The following NINJ2 variants were observed in gnomAD, a reference collection of about 807,000 sequenced individuals.
The protein encoded by NINJ2 is ninjurin 2, also known as ninjurin-2.
A neutral mutation model predicts 11.7 loss-of-function variants in NINJ2; 12 were observed. The ratio of observed to expected loss-of-function variants is 1.02; its 90% confidence interval spans 0.66 to 1.66. The LOEUF (loss-of-function observed/expected upper bound fraction) is 1.66, where lower values mean the gene tolerates loss of function less well. Among genes scored for constraint, NINJ2 ranks in the 40% most tolerant of loss-of-function variants. NINJ2 has a pLI of 0.00. For missense variants in NINJ2, 187 were observed against 181.8 expected (o/e 1.03, Z -0.16); for synonymous variants, 93 against 76.8 (o/e 1.21, Z -1.10).
chr12:613,858 T>A (rs998418307), intron 1 of NINJ2, among the ~76,000 whole-genome samples: 2 of 152,112 alleles, frequency 1.3e-5, no homozygotes, highest in African/African-American at 4.8e-5. Context: ...TGAGCCGAGA[T>A]CGCGCCACTG....
intron 1 of NINJ2, among the ~76,000 whole-genome samples, chr12:588,194 CGG>C (rs1565625978): frequency 2.3e-5 from 1 of 42,642 alleles, no homozygotes; most frequent in African/African-American, 6.7e-5. Flanking sequence ...ACGGAAGGGA[CGG>C]AGGGGACGGA....
intron 1 of NINJ2, among the ~76,000 whole-genome samples, chr12:570,443 C>A (rs764698757): frequency 2.0e-5 from 3 of 152,192 alleles, no homozygotes; most frequent in Non-Finnish European, 4.4e-5. Flanking sequence ...TCCTTTTCGC[C>A]CACAGCCCAG....
intron 1 of NINJ2, among the ~76,000 whole-genome samples, chr12:657,418 C>T (rs1038064246): frequency 4.1e-4 from 63 of 152,074 alleles, no homozygotes; most frequent in African/African-American, 1.2e-3. Flanking sequence ...TGAAACCCCG[C>T]CTCTATTAAA....
intron 1 of NINJ2, among the ~76,000 whole-genome samples, chr12:613,959 C>A (rs1342992558): frequency 6.6e-6 from 1 of 152,032 alleles, no homozygotes; most frequent in African/African-American, 2.4e-5. Flanking sequence ...TTAAAAATGG[C>A]CTTTCTTCTC....
chr12:592,829 A>G (rs1947734951), intron 1 of NINJ2, among the ~76,000 whole-genome samples: 1 of 152,238 alleles, frequency 6.6e-6, no homozygotes. Flanking sequence ...TAGTGAAAAT[A>G]AGCCAACTGA....
intron 1 of NINJ2, among the ~76,000 whole-genome samples, chr12:603,849 C>T (rs1401588409): frequency 3.3e-5 from 5 of 152,062 alleles, no homozygotes; most frequent in Middle Eastern, 3.4e-3. Flanking sequence ...TTAATAGAGA[C>T]GGGGTTTTGC....
chr12:622,781 CT>C (rs919671868), intron 1 of NINJ2, among the ~76,000 whole-genome samples: 35 of 149,144 alleles, frequency 2.3e-4, no homozygotes, highest in African/African-American at 5.2e-4. Context: ...GATAGCTTTT[CT>C]TTTTTTTTTA....
chr12:570,899 G>A (rs897787759), intron 1 of NINJ2, among the ~76,000 whole-genome samples: 1 of 152,230 alleles, frequency 6.6e-6, no homozygotes, highest in African/African-American at 2.4e-5. Context: ...TATAAAACTG[G>A]AGGAAAATCC....
chr12:617,711 C>G (rs11063883), intron 1 of NINJ2, among the ~76,000 whole-genome samples: 32,100 of 152,156 alleles, frequency 0.21, 3,576 homozygotes, highest in East Asian at 0.31. Context: ...TGCGCTCACT[C>G]CCCAGGACGT....
rs1947614558 is a variant in NINJ2 at position 585,144 on chromosome 12, C to T, written c.34-18966G>A. 6.6e-6 allele frequency among the ~76,000 whole-genome samples: 1 copy of T among 152,180 alleles called. No individual in the cohort carries two copies. The highest frequency in any genetic ancestry group is 2.4e-5 in the African/African-American group (1 of 41,454). On this transcript the variant is annotated intron_variant, in intron 1 of 3. Coordinates refer to ENST00000305108, the MANE Select transcript of NINJ2 (RefSeq NM_016533.6). This position sits in a 1 kb window ranked among gnomAD's most constrained non-coding sequence, Gnocchi z 4.1. ...AATAAACACATAAATAAAAGCAAAT[C>T]CTTCTTTTCGCTAAGGCTGCATTTC...
At chr12:566,749 C>T (rs919135930) in intron 1 of NINJ2, among the ~76,000 whole-genome samples, 1 of 152,240 alleles carries the variant, frequency 6.6e-6, no homozygotes, top group Non-Finnish European at 1.5e-5. Flanking sequence ...GACACAGGCT[C>T]TCAGCATACA....
At chr12:624,140 C>G (rs1948185940) in intron 1 of NINJ2, among the ~76,000 whole-genome samples, 1 of 152,226 alleles carries the variant, frequency 6.6e-6, no homozygotes, top group African/African-American at 2.4e-5. Context: ...TCCTCTTACT[C>G]TACAACCTAC....
At chr12:589,066 G>T (rs894960038) in intron 1 of NINJ2, among the ~76,000 whole-genome samples, 1 of 152,128 alleles carries the variant, frequency 6.6e-6, no homozygotes, top group Non-Finnish European at 1.5e-5. Context: ...CACAGAAAAT[G>T]CTCCCCAAAG....
At chr12:603,239 T>C (rs1947895853) in intron 1 of NINJ2, among the ~76,000 whole-genome samples, 1 of 152,254 alleles carries the variant, frequency 6.6e-6, no homozygotes, top group South Asian at 2.1e-4. Context: ...AAAATGTTTA[T>C]TCAGCTCATT....
chr12:653,498 T>C (rs1384311758), intron 1 of NINJ2, among the ~76,000 whole-genome samples: 2 of 152,136 alleles, frequency 1.3e-5, no homozygotes, highest in African/African-American at 4.8e-5. Flanking sequence ...ATTAGGATTG[T>C]TTTGTTATCA....
chr12:648,147 C>G, intron 1 of NINJ2, among the ~76,000 whole-genome samples: 1 of 152,164 alleles, frequency 6.6e-6, no homozygotes, highest in Non-Finnish European at 1.5e-5. Context: ...ATCCTCGGCT[C>G]ACTGCAACCT....
At chr12:604,811 C>T (rs1488226998) in intron 1 of NINJ2, among the ~76,000 whole-genome samples, 1 of 152,130 alleles carries the variant, frequency 6.6e-6, no homozygotes, top group African/African-American at 2.4e-5. Flanking sequence ...CAGAGCAGTT[C>T]AACCCTCCGA....
At chr12:605,863 G>A (rs564998437) in intron 1 of NINJ2, among the ~76,000 whole-genome samples, 32 of 152,244 alleles carry the variant, frequency 2.1e-4, no homozygotes, top group African/African-American at 7.7e-4. Flanking sequence ...GTGCCTCACT[G>A]TTTAATATAC....
intron 1 of NINJ2, among the ~76,000 whole-genome samples, chr12:629,896 A>AAAAAAAAAAAAAAAATATAT: frequency 1.1e-3 from 11 of 9,894 alleles, no homozygotes; most frequent in Admixed American, 2.9e-3. Flanking sequence ...AAAAAAAAAA[A>AAAAAAAAAAAAAAAATATAT]ATATATATAT....
Sources: allele counts gnomAD v4.1 joint callset (sites outside exome capture counted in the v4.1 genomes callset), GRCh38; gene constraint gnomAD v4.1.1; non-coding constraint Gnocchi (gnomAD v3.1); transcripts MANE v1.5; gene names NCBI Gene and HGNC (gene_info 2026-07-23, HGNC 2026-07-21).